Variants in ARHGAP39 observed in about 807,000 individuals in gnomAD.
The protein encoded by ARHGAP39 is rho GTPase-activating protein 39.
A neutral mutation model predicts 106.9 loss-of-function variants in ARHGAP39; 44 were observed. The ratio of observed to expected loss-of-function variants is 0.41; its 90% CI spans 0.32 to 0.53. The LOEUF (loss-of-function observed/expected upper bound fraction) is 0.53, where lower values mean the gene tolerates loss of function less well. ARHGAP39 is among the 20% of genes least tolerant of loss of function. The probability of loss-of-function intolerance (pLI) is 0.21; values close to 1 mark genes in which losing one functional copy is unlikely to be tolerated. For synonymous variants in ARHGAP39, 768 were observed against 693.2 expected (o/e 1.11, Z -1.69); for missense variants, 1,496 against 1,577.3 (o/e 0.95, Z 0.87).
intron 2 of ARHGAP39, among the ~76,000 whole-genome samples, chr8:144,601,571 T>C (rs1194247940): frequency 1.5e-4 from 21 of 144,034 alleles, no homozygotes; most frequent in Admixed American, 1.3e-3. Context: ...CGTGTACCTG[T>C]GTGCATGTGC....
intron 2 of ARHGAP39, among the ~76,000 whole-genome samples, chr8:144,598,066 T>C (rs1316717355): frequency 6.6e-6 from 1 of 151,900 alleles, no homozygotes; most frequent in Admixed American, 6.6e-5. Flanking sequence ...GGAAGGAGAG[T>C]CCGGCCAGAG....
chr8:144,606,601 GAGGAGGAGA>G, intron 1 of ARHGAP39, among the ~76,000 whole-genome samples: 1 of 152,084 alleles, frequency 6.6e-6, no homozygotes, highest in South Asian at 2.1e-4. Flanking sequence ...TTAAGAGAAG[GAGGAGGAGA>G]AGGAGGAGGA....
rs191330033 is a variant in ARHGAP39 at position 144,541,402 on chromosome 8, A to G, written c.2522-3589T>C. Among the ~76,000 whole-genome samples, 13 of 152,336 alleles carry G rather than the reference A, an allele frequency of 8.5e-5. No individual in the cohort carries two copies. The East Asian group carries it at 1.9e-3, about 23-fold the overall frequency. On this transcript the variant is annotated intron_variant, in intron 6 of 11. Transcript: ENST00000377307. ...GTTTGGTAAAATACACATAAAATTT[A>G]CCACTTTAACCATTTAAAAACAGAC...
At position 144,682,356 on chromosome 8, in the gene ARHGAP39, T is replaced by C. The variant is rs1213039778; in HGVS notation, c.-82+3330A>G. 5.3e-5 allele frequency among the ~76,000 whole-genome samples: 8 copies of C among 151,256 alleles called. No homozygotes were observed. The East Asian group carries it at 1.4e-3, about 26-fold the overall frequency. Reference sequence around the variant, plus strand: ...CGAGGTCAGGAGATCGAGACCATCTTGGCTAACATGGTGAAACCCTGTTTC... The same window carrying C: ...CGAGGTCAGGAGATCGAGACCATCTCGGCTAACATGGTGAAACCCTGTTTC... On this transcript the variant is annotated intron_variant, in intron 1 of 11. Coordinates refer to ENST00000377307, the MANE Select transcript of ARHGAP39 (RefSeq NM_025251.3).
At chr8:144,550,990 G>A (rs568222097) in intron 4 of ARHGAP39, among the ~76,000 whole-genome samples, 9 of 152,346 alleles carry the variant, frequency 5.9e-5, no homozygotes, top group South Asian at 2.1e-4. Context: ...ACAAAACAAC[G>A]TGCATGTAGT....
At chr8:144,595,506 G>A (rs147755792) in intron 2 of ARHGAP39, among the ~76,000 whole-genome samples, 144 of 152,340 alleles carry the variant, frequency 9.5e-4, no homozygotes, top group Non-Finnish European at 1.5e-3. Context: ...AGAGCCACTG[G>A]ATTGTGCACC....
chr8:144,696,437 C>T, the ARHGAP39 span, among the ~76,000 whole-genome samples: 5 of 152,152 alleles, frequency 3.3e-5, no homozygotes, highest in Non-Finnish European at 7.3e-5. Flanking sequence ...CGCACCTGGC[C>T]GTGCCCCAGT....
At chr8:144,631,494 T>G (rs1254916361) in intron 1 of ARHGAP39, among the ~76,000 whole-genome samples, 1 of 152,274 alleles carries the variant, frequency 6.6e-6, no homozygotes, top group Non-Finnish European at 1.5e-5. Flanking sequence ...GGGTGTGATA[T>G]CCTCTCGTTC....
intron 4 of ARHGAP39, 114 bp downstream of exon 4, chr8:144,555,446 C>T: frequency 1.1e-6 from 1 of 950,620 alleles, no homozygotes. Flanking sequence ...CTTTCCAGCT[C>T]TGGGTCTGTG....
chr8:144,617,360 C>T (rs1820663666), intron 1 of ARHGAP39, among the ~76,000 whole-genome samples: 1 of 152,068 alleles, frequency 6.6e-6, no homozygotes, highest in Admixed American at 6.5e-5. Context: ...CGGCGCAGCA[C>T]CAGCAAGAGC....
At chr8:144,598,951 G>C (rs933876166) in intron 2 of ARHGAP39, among the ~76,000 whole-genome samples, 1 of 152,208 alleles carries the variant, frequency 6.6e-6, no homozygotes, top group South Asian at 2.1e-4. Flanking sequence ...CAAAAGATAA[G>C]AGCATGCAAT....
At chr8:144,696,464 A>G in the ARHGAP39 span, among the ~76,000 whole-genome samples, 2 of 152,244 alleles carry the variant, frequency 1.3e-5, no homozygotes, top group South Asian at 4.1e-4. Flanking sequence ...TTGTCTATCA[A>G]TTTCATTTAA....
At chr8:144,565,785 G>A (rs1335462899) in intron 3 of ARHGAP39, among the ~76,000 whole-genome samples, 1 of 152,056 alleles carries the variant, frequency 6.6e-6, no homozygotes, top group African/African-American at 2.4e-5. Flanking sequence ...TGCTGGGTGG[G>A]GGTGTGAGCA....
intron 1 of ARHGAP39, among the ~76,000 whole-genome samples, chr8:144,675,241 AT>A (rs536377560): frequency 4.0e-5 from 6 of 149,338 alleles, no homozygotes; most frequent in Non-Finnish European, 6.0e-5. Context: ...TTCACTTAGC[AT>A]TTTTTTTTTG....
At chr8:144,672,428 T>C (rs959295396) in intron 1 of ARHGAP39, among the ~76,000 whole-genome samples, 7 of 152,210 alleles carry the variant, frequency 4.6e-5, no homozygotes, top group Non-Finnish European at 7.3e-5. Flanking sequence ...GGGCCTCTAG[T>C]AGTTTAAAGT....
intron 3 of ARHGAP39, among the ~76,000 whole-genome samples, chr8:144,558,281 A>G (rs534929248): frequency 1.3e-5 from 2 of 152,244 alleles, no homozygotes; most frequent in African/African-American, 4.8e-5. Context: ...AATATGTTTA[A>G]TGTCTTTTTT....
intron 2 of ARHGAP39, among the ~76,000 whole-genome samples, chr8:144,603,012 CGA>C (rs1820118138): frequency 9.8e-6 from 1 of 101,622 alleles, no homozygotes; most frequent in African/African-American, 4.8e-5. Flanking sequence ...GGTGTGTGTG[CGA>C]GCTCATGTAT....
At chr8:144,675,914 G>A (rs1822223715) in intron 1 of ARHGAP39, among the ~76,000 whole-genome samples, 2 of 152,164 alleles carry the variant, frequency 1.3e-5, no homozygotes, top group South Asian at 4.1e-4. Context: ...CCTTCGCGGT[G>A]AGTGTTACGG....
At chr8:144,544,974 G>A (rs1007238951) in intron 6 of ARHGAP39, among the ~76,000 whole-genome samples, 25 of 152,270 alleles carry the variant, frequency 1.6e-4, no homozygotes, top group Admixed American at 1.6e-3. Context: ...GACTGGCCAT[G>A]GTGGGCTTGG....
Sources: gnomAD v4.1 joint callset for allele counts (sites outside exome capture counted in the v4.1 genomes callset) on GRCh38, gnomAD v4.1.1 for gene constraint, MANE v1.5 for transcripts, NCBI Gene and HGNC (gene_info 2026-07-23, HGNC 2026-07-21) for gene names.